Variants in CELF4 observed in about 807,000 individuals in gnomAD.
The protein encoded by CELF4 is CUGBP Elav-like family member 4.
Under a neutral mutation model 59.9 loss-of-function variants are expected in CELF4, and 18 were observed. The observed-to-expected ratio is 0.30, with a 90% CI of 0.21 to 0.45. The LOEUF (loss-of-function observed/expected upper bound fraction) is 0.45, where lower values mean the gene tolerates loss of function less well. Among genes scored for constraint, CELF4 ranks in the 20% least tolerant of loss-of-function variants. The pLI is 1.00. For missense variants in CELF4, 456 were observed against 689.0 expected (o/e 0.66, Z 3.79); for synonymous variants, 261 against 267.1 (o/e 0.98, Z 0.22).
chr18:37,489,972 T>C (rs1246414093), intron 1 of CELF4, among the ~76,000 whole-genome samples: 1 of 152,126 alleles, frequency 6.6e-6, no homozygotes, highest in Non-Finnish European at 1.5e-5. Context: ...TCGGCAAGGA[T>C]CCAGTGTGGC....
intron 2 of CELF4, among the ~76,000 whole-genome samples, chr18:37,457,552 C>T (rs1395076450): frequency 1.3e-5 from 2 of 152,110 alleles, no homozygotes; most frequent in African/African-American, 4.8e-5. Context: ...TTGAGTTGCT[C>T]CAGAGATCAA....
intron 2 of CELF4, among the ~76,000 whole-genome samples, chr18:37,338,106 A>ATCAGCAC (rs1320316323): frequency 2.0e-5 from 2 of 97,920 alleles, no homozygotes; most frequent in African/African-American, 4.7e-5. Flanking sequence ...TGTCACCACT[A>ATCAGCAC]CTGTCACTGC....
chr18:37,400,308 A>G (rs1318512741), intron 2 of CELF4, among the ~76,000 whole-genome samples: 1 of 125,832 alleles, frequency 7.9e-6, no homozygotes, highest in African/African-American at 3.0e-5. Context: ...AAACCTTTAT[A>G]TATGTGTGTA....
intron 6 of CELF4, chr18:37,274,056 G>A (rs1454738238): frequency 7.5e-7 from 1 of 1,325,792 alleles, no homozygotes; most frequent in African/African-American, 1.5e-5. Context: ...CTTTTCTGTG[G>A]GGCCTCTCTC....
At chr18:37,439,318 C>A (rs942540856) in intron 2 of CELF4, among the ~76,000 whole-genome samples, 1 of 152,076 alleles carries the variant, frequency 6.6e-6, no homozygotes, top group Non-Finnish European at 1.5e-5. Flanking sequence ...CCTCAGTGTC[C>A]ATGAAAGTGG....
At chr18:37,551,419 G>A (rs977714468) in intron 1 of CELF4, among the ~76,000 whole-genome samples, 3 of 152,206 alleles carry the variant, frequency 2.0e-5, no homozygotes, top group African/African-American at 7.2e-5. Context: ...CGTTGCCCAG[G>A]TGTGCTGTTG....
chr18:37,449,188 C>T (rs1183100954), intron 2 of CELF4, among the ~76,000 whole-genome samples: 1 of 152,094 alleles, frequency 6.6e-6, no homozygotes, highest in African/African-American at 2.4e-5. Flanking sequence ...TCAGGGAGGG[C>T]TGCAAGGAGG....
At chr18:37,310,326 T>C (rs1023034025) in intron 3 of CELF4, among the ~76,000 whole-genome samples, 1 of 152,116 alleles carries the variant, frequency 6.6e-6, no homozygotes. Context: ...CTCTATCCAG[T>C]TCAGCAGGCC....
intron 2 of CELF4, among the ~76,000 whole-genome samples, chr18:37,327,434 TC>T: frequency 6.6e-6 from 1 of 152,254 alleles, no homozygotes; most frequent in Middle Eastern, 3.4e-3. Flanking sequence ...TTACTAGGAC[TC>T]CCCGAGGCTG....
At chr18:37,339,652 G>A (rs1333995360) in intron 2 of CELF4, among the ~76,000 whole-genome samples, 1 of 151,940 alleles carries the variant, frequency 6.6e-6, no homozygotes, top group Non-Finnish European at 1.5e-5. Flanking sequence ...TACATGGGAG[G>A]CTGAGGCAAG....
chr18:37,379,600 T>G lies in CELF4; in HGVS notation c.370-57719A>C, dbSNP rs2099013640. 5.3e-5 allele frequency among the ~76,000 whole-genome samples: 8 copies of G among 151,592 alleles called. No individual in the cohort carries two copies. The South Asian group carries it at 1.7e-3, about 32-fold the overall frequency. ...TCCCATGGAAGCCAGAGAAATCCTT[T>G]GATATCTCCCTAGCCTAGAAAAATT... On this transcript the variant is annotated intron_variant, in intron 2 of 12. Transcript: ENST00000420428.
In CELF4 at chr18:37,434,099, G is replaced by A. The variant is rs149501076; in HGVS notation, c.369+51426C>T. On this transcript the variant is annotated intron_variant, in intron 2 of 12. Coordinates refer to ENST00000420428, the MANE Select transcript of CELF4 (RefSeq NM_020180.4). ...GGTATCTGACGCTGGTGAGCTGATC[G>A]CTTTGTTGGGGAGACGGGAAGCTGC... is the stretch of plus-strand genomic sequence containing the variant. Among the ~76,000 whole-genome samples the A allele has an allele frequency of 1.1e-3, 163 of 152,292 alleles. 6 individuals carry two copies. The East Asian group carries it at 0.03, about 28-fold the overall frequency.
At chr18:37,263,815 C>T (rs868174401) in intron 10 of CELF4, among the ~76,000 whole-genome samples, 8 of 152,130 alleles carry the variant, frequency 5.3e-5, no homozygotes, top group African/African-American at 1.9e-4. Context: ...ACCCTGCCCA[C>T]GCAGTCCTGC....
intron 2 of CELF4, among the ~76,000 whole-genome samples, chr18:37,480,104 G>A (rs1243529768): frequency 1.3e-5 from 2 of 152,146 alleles, no homozygotes; most frequent in East Asian, 1.9e-4. Context: ...ATACATTTCC[G>A]TTGTTTAAGC....
At chr18:37,450,349 G>C (rs1011065005) in intron 2 of CELF4, among the ~76,000 whole-genome samples, 1 of 151,372 alleles carries the variant, frequency 6.6e-6, no homozygotes, top group African/African-American at 2.4e-5. Context: ...TCTCTCTGTC[G>C]ATCTCTGCAC....
At chr18:37,393,592 C>T (rs73947205) in intron 2 of CELF4, among the ~76,000 whole-genome samples, 459 of 152,274 alleles carry the variant, frequency 3.0e-3, no homozygotes, top group African/African-American at 0.011. Context: ...CCACATCCCC[C>T]GAGGGGACCA....
At chr18:37,283,897 AGGAG>A (rs1286611401) in intron 3 of CELF4, among the ~76,000 whole-genome samples, 4 of 17,354 alleles carry the variant, frequency 2.3e-4, no homozygotes, top group African/African-American at 7.7e-4. Flanking sequence ...GGTGTGTGGT[AGGAG>A]GAAGTGGCAA....
chr18:37,430,848 G>C (rs1052445780), intron 2 of CELF4, among the ~76,000 whole-genome samples: 1 of 152,190 alleles, frequency 6.6e-6, no homozygotes, highest in Non-Finnish European at 1.5e-5. Flanking sequence ...TACCCCATGG[G>C]GATCTGGCAC....
chr18:37,282,660 C>T (rs2094293339), intron 3 of CELF4, among the ~76,000 whole-genome samples: 2 of 152,218 alleles, frequency 1.3e-5, no homozygotes, highest in Admixed American at 1.3e-4. Context: ...CACTCCCATC[C>T]TTGGAGGCTG....
Sources: gnomAD v4.1 joint callset for allele counts (sites outside exome capture counted in the v4.1 genomes callset) on GRCh38, gnomAD v4.1.1 for gene constraint, MANE v1.5 for transcripts, NCBI Gene and HGNC (gene_info 2026-07-23, HGNC 2026-07-21) for gene names.